The following ZNF684 variants were observed in gnomAD, a reference collection of about 807,000 sequenced individuals.
ZNF684 encodes hypothetical protein MGC27466.
In ZNF684, 13 loss-of-function variants were observed where a neutral mutation model predicts 12.8. The ratio of observed to expected loss-of-function variants is 1.02; its 90% CI spans 0.66 to 1.62. ZNF684 has a LOEUF of 1.62. ZNF684 is among the 40% of genes most tolerant of loss of function. The pLI is 0.00. For missense variants in ZNF684, 384 were observed against 446.9 expected (o/e 0.86, Z 1.27); for synonymous variants, 118 against 151.8 (o/e 0.78, Z 1.64).
chr1:40,541,779 G>T, intron 4 of ZNF684, 69 bp downstream of exon 4: 2 of 1,292,088 alleles, frequency 1.5e-6, no homozygotes, highest in Non-Finnish European at 2.2e-6. Context: ...GGGACAGGAA[G>T]TTCTGAAATA....
chr1:40,537,237 T>C (rs1645990610), intron 2 of ZNF684, among the ~76,000 whole-genome samples: 1 of 152,208 alleles, frequency 6.6e-6, no homozygotes, highest in South Asian at 2.1e-4. Flanking sequence ...CAGTAACATC[T>C]TATGGCACTT....
chr1:40,531,702 G>A lies in ZNF684; in HGVS notation c.-110G>A, dbSNP rs1332401825. 1 of 152,326 alleles carries A rather than the reference G, an allele frequency of 6.6e-6. No individual in the cohort carries two copies. The highest frequency in any genetic ancestry group is 1.9e-4 in the East Asian group (1 of 5,204). 9.4% of individuals were successfully genotyped at this position (152,326 alleles called of 1,614,324 possible). On this transcript the variant is annotated 5_prime_UTR_variant, in exon 1 of 5. The change creates a new upstream start codon in the 5' untranslated region. Coordinates refer to ENST00000372699, the MANE Select transcript of ZNF684 (RefSeq NM_152373.4). Reference sequence around the variant, plus strand: ...TCAGCGCCGCGGGAAGTGCGGGCGGGTGTTGCTCCCCTGTCTCTGGACGAC... The same window carrying A: ...TCAGCGCCGCGGGAAGTGCGGGCGGATGTTGCTCCCCTGTCTCTGGACGAC...
chr1:40,546,841 A>G lies in ZNF684; in HGVS notation c.518A>G (p.His173Arg), dbSNP rs765326023. ...GGGAAAGCCTTCAAAAAGAAGTTTC[A>G]TTTCATTAGACATGAAAAAAATCAT... ...ECGKAFKKKF[H>R]FIRHEKNHTR... The change falls in exon 5 of 5, where the codon CAT (histidine) becomes CGT (arginine). Residue 173 changes from histidine to arginine, a missense_variant. By Grantham distance (29) the His-to-Arg change is conservative (BLOSUM62 0). Transcript: ENST00000372699. 1.7e-5 allele frequency: 28 copies of G among 1,612,392 alleles called. No individual in the cohort carries two copies. Among genetic ancestry groups the G allele is most frequent in the Non-Finnish European group, 2.3e-5 (27 of 1,179,706 alleles).
Position 40,541,666 on chromosome 1 carries a change from A to C in ZNF684, c.194A>C (p.Glu65Ala). The part of the protein sequence containing the change: ...KVILKVEQGQ[E>A]PWMVEGANPH... ...ATCCTCAAGGTAGAGCAAGGACAAG[A>C]GCCATGGATGGTGGAGGGAGCGAAT... The change falls in exon 4 of 5, where the codon GAG becomes GCG. Residue 65 changes from glutamate (E) to alanine (A), a missense_variant. Transcript: ENST00000372699. The C allele has an allele frequency of 6.2e-7, 1 of 1,613,610 alleles. No homozygotes were observed. The highest frequency in any genetic ancestry group is 8.5e-7 in the Non-Finnish European group (1 of 1,179,694).
At chr1:40,544,128 C>CT (rs1367541041) in intron 4 of ZNF684, among the ~76,000 whole-genome samples, 12 of 150,168 alleles carry the variant, frequency 8.0e-5, no homozygotes, top group Admixed American at 3.3e-4. Flanking sequence ...TTTTATTTTT[C>CT]TTTTTTTTCA....
Position 40,546,846 on chromosome 1 carries a change from A to G in ZNF684, c.523A>G (p.Ile175Val), listed in dbSNP as rs746820106. 1.2e-6 allele frequency: 2 copies of G among 1,613,066 alleles called. No homozygotes were observed. The highest frequency in any genetic ancestry group is 2.2e-5 in the South Asian group (2 of 90,628). ...GKAFKKKFHF[I>V]RHEKNHTRKK... is the part of the protein sequence containing the mutation. ...AGCCTTCAAAAAGAAGTTTCATTTC[A>G]TTAGACATGAAAAAAATCATACAAG... is the stretch of plus-strand genomic sequence containing the variant. Residue 175 changes from isoleucine (I) to valine (V), a missense_variant, in exon 5 of 5, where the codon ATT becomes GTT. By Grantham distance (29) the Ile-to-Val change is conservative. Transcript: ENST00000372699.
At chr1:40,539,946 AT>A (rs941681400) in intron 2 of ZNF684, among the ~76,000 whole-genome samples, 7 of 150,974 alleles carry the variant, frequency 4.6e-5, no homozygotes, top group South Asian at 2.1e-4. Context: ...TTTATTGTTG[AT>A]TTTTTTCTCC....
intron 4 of ZNF684, among the ~76,000 whole-genome samples, chr1:40,542,682 AT>A (rs1557610998): frequency 2.0e-5 from 3 of 152,088 alleles, no homozygotes; most frequent in Admixed American, 6.6e-5. Flanking sequence ...ATGGTAACTA[AT>A]TTTTTTATTT....
intron 2 of ZNF684, among the ~76,000 whole-genome samples, chr1:40,538,919 A>G (rs753171065): frequency 3.3e-5 from 5 of 151,112 alleles, no homozygotes; most frequent in Non-Finnish European, 5.9e-5. Flanking sequence ...GATTACAGGT[A>G]GCTCATGCCT....
rs775182780 is a variant in ZNF684, at chr1:40,547,327, C to G, written c.1004C>G (p.Ala335Gly). The change falls in exon 5 of 5, where the codon GCC becomes GGC. Residue 335 changes from alanine (A) to glycine (G), a missense_variant. Coordinates refer to ENST00000372699, the MANE Select transcript of ZNF684 (RefSeq NM_152373.4). ...TACAGTTGTATTGAATGTGGCAAAGCCTTCATCAAGAAGTCCCATCTCCTC... is the reference window on the plus strand; with the variant it reads ...TACAGTTGTATTGAATGTGGCAAAGGCTTCATCAAGAAGTCCCATCTCCTC... ...KPYSCIECGK[A>G]FIKKSHLLRH... The G allele has an allele frequency of 1.9e-6, 3 of 1,614,002 alleles. No individual in the cohort carries two copies. The highest frequency in any genetic ancestry group is 2.2e-5 in the South Asian group (2 of 91,072).
At chr1:40,540,859 G>C in intron 3 of ZNF684, 147 bp downstream of exon 3, 1 of 838,104 alleles carries the variant, frequency 1.2e-6, no homozygotes, top group African/African-American at 1.8e-5. Flanking sequence ...CTTGAGCCCA[G>C]GATTTCAAGA....
Position 40,540,680 on chromosome 1 carries a change from T to A in ZNF684, c.110T>A (p.Met37Lys), listed in dbSNP as rs1186035384. The change falls in exon 3 of 5, where the codon ATG becomes AAG. Residue 37 changes from methionine to lysine, a missense_variant. Met to Lys is a moderately conservative substitution (Grantham distance 95, BLOSUM62 -1). Coordinates refer to ENST00000372699, the MANE Select transcript of ZNF684 (RefSeq NM_152373.4). ...CAERTLYWDVMLENYRNLISV... is the reference protein window; with the variant it reads ...CAERTLYWDVKLENYRNLISV... ...GAGAGAACCCTGTATTGGGATGTGATGTTGGAGAACTATAGAAACCTCATC... is the reference window on the plus strand; with the variant it reads ...GAGAGAACCCTGTATTGGGATGTGAAGTTGGAGAACTATAGAAACCTCATC... 6.2e-7 allele frequency: 1 copy of A among 1,611,684 alleles called. No individual in the cohort carries two copies. The highest frequency in any genetic ancestry group is 1.7e-5 in the Admixed American group (1 of 59,708).
chr1:40,546,602 G>A lies in ZNF684; in HGVS notation c.279G>A (p.Arg93=). ...YPLVDEPGKH[R]ESKDNFLKSV... ...TTGTTGATGAACCAGGGAAGCATCG[G>A]GAAAGCAAAGACAATTTTTTGAAGT... The change falls in exon 5 of 5, where the codon CGG becomes CGA. Residue 93 remains arginine (R), a synonymous_variant. Coordinates refer to ENST00000372699, the MANE Select transcript of ZNF684 (RefSeq NM_152373.4). The A allele has an allele frequency of 6.3e-7, 1 of 1,581,882 alleles. No homozygotes were observed. Among genetic ancestry groups the A allele is most frequent in the Non-Finnish European group, 8.6e-7 (1 of 1,166,438 alleles).
At chr1:40,532,197 T>C (rs1645961827) in intron 1 of ZNF684, among the ~76,000 whole-genome samples, 1 of 152,184 alleles carries the variant, frequency 6.6e-6, no homozygotes, top group East Asian at 1.9e-4. Context: ...GAAACTGCTA[T>C]GGATTAGAAG....
intron 2 of ZNF684, among the ~76,000 whole-genome samples, chr1:40,539,261 C>G (rs1570109288): frequency 1.3e-5 from 2 of 152,204 alleles, no homozygotes; most frequent in East Asian, 3.9e-4. Context: ...GATCTCCTGA[C>G]TTCGTGATCC....
At chr1:40,533,280 G>A in intron 2 of ZNF684, 99 bp downstream of exon 2, 1 of 1,236,368 alleles carries the variant, frequency 8.1e-7, no homozygotes, top group Non-Finnish European at 1.2e-6. Context: ...CCAAATAAAA[G>A]ATCAAGTCTA....
chr1:40,534,236 ATT>A (rs556340597), intron 2 of ZNF684, among the ~76,000 whole-genome samples: 516 of 102,584 alleles, frequency 5.0e-3, no homozygotes, highest in African/African-American at 0.013. Context: ...TTTTATTATA[ATT>A]TTTTTTTTTT....
chr1:40,532,558 A>G (rs1363064805), intron 1 of ZNF684, among the ~76,000 whole-genome samples: 1 of 152,024 alleles, frequency 6.6e-6, no homozygotes, highest in African/African-American at 2.4e-5. Context: ...TACCCTTTCT[A>G]GAGCCCCAGC....
At chr1:40,539,637 T>C (rs1228085615) in intron 2 of ZNF684, among the ~76,000 whole-genome samples, 3 of 152,236 alleles carry the variant, frequency 2.0e-5, no homozygotes, top group East Asian at 3.8e-4. Flanking sequence ...CTGCGTTTGA[T>C]TTTAACTGTC....
Sources: gnomAD v4.1 joint callset for allele counts (sites outside exome capture counted in the v4.1 genomes callset) on GRCh38, gnomAD v4.1.1 for gene constraint, MANE v1.5 for transcripts, NCBI Gene and HGNC (gene_info 2026-07-23, HGNC 2026-07-21) for gene names.